The following RAI14 variants were observed in gnomAD, a reference collection of about 807,000 sequenced individuals.
RAI14 encodes the protein retinoic acid induced 14.
Under a neutral mutation model 115.4 loss-of-function variants are expected in RAI14, and 45 were observed. The observed-to-expected ratio is 0.39, with a 90% CI of 0.31 to 0.50. The LOEUF (loss-of-function observed/expected upper bound fraction) is 0.50, where lower values mean the gene tolerates loss of function less well. RAI14 is among the 20% of genes least tolerant of loss of function. The probability of loss-of-function intolerance (pLI) is 0.85; values close to 1 mark genes in which losing one functional copy is unlikely to be tolerated. For synonymous variants in RAI14, 371 were observed against 415.4 expected, an observed-to-expected ratio of 0.89 and a Z score of 1.30; for missense variants, 939 against 1,131.2, an observed-to-expected ratio of 0.83 and a Z score of 2.44.
intron 2 of RAI14, among the ~76,000 whole-genome samples, chr5:34,729,379 C>T (rs973767855): frequency 1.3e-5 from 2 of 152,130 alleles, no homozygotes; most frequent in Non-Finnish European, 2.9e-5. Flanking sequence ...AGGGTGAATA[C>T]ATGGGGCTTC....
intron 3 of RAI14, among the ~76,000 whole-genome samples, chr5:34,769,132 C>T (rs576235851): frequency 6.6e-6 from 1 of 152,136 alleles, no homozygotes; most frequent in East Asian, 1.9e-4. Context: ...GGATAGTAAT[C>T]CTGTTTTTTT....
At chr5:34,668,336 C>T (rs1483310856) in intron 1 of RAI14, among the ~76,000 whole-genome samples, 1 of 150,924 alleles carries the variant, frequency 6.6e-6, no homozygotes, top group East Asian at 2.0e-4. Context: ...GGAGGTTGCA[C>T]TGAGCCGAGA....
chr5:34,670,168 C>T (rs557138632), intron 1 of RAI14, among the ~76,000 whole-genome samples: 6 of 152,292 alleles, frequency 3.9e-5, no homozygotes, highest in Non-Finnish European at 2.9e-5. Context: ...TCTGAGGACT[C>T]GTTCCGTCTT....
chr5:34,701,599 G>T (rs937165381), intron 2 of RAI14, among the ~76,000 whole-genome samples: 10 of 152,194 alleles, frequency 6.6e-5, no homozygotes, highest in African/African-American at 2.2e-4. Flanking sequence ...CTGGAAGGCT[G>T]CTCCCCCGCC....
intron 2 of RAI14, chr5:34,687,861 G>A: frequency 2.6e-6 from 3 of 1,166,986 alleles, no homozygotes; most frequent in South Asian, 2.9e-5. Flanking sequence ...AATGGAGGCT[G>A]TGTCTTTTAT....
intron 1 of RAI14, chr5:34,685,656 A>G (rs1561236163): frequency 6.6e-6 from 1 of 151,376 alleles, no homozygotes; most frequent in Non-Finnish European, 1.5e-5. Flanking sequence ...CATCATGAAT[A>G]GGCTTTGTGA....
At position 34,811,835 on chromosome 5, in the gene RAI14, C is replaced by T; in HGVS notation, c.626C>T (p.Ala209Val). 1 of 1,612,918 alleles carries T rather than the reference C, an allele frequency of 6.2e-7. No homozygotes were observed. Residue 209 changes from alanine to valine, a missense_variant, in exon 9 of 18, where the codon GCA (alanine) becomes GTA (valine). By Grantham distance (64) the Ala-to-Val change is moderately conservative (BLOSUM62 0). Coordinates refer to ENST00000265109, the MANE Select transcript of RAI14 (RefSeq NM_015577.3). ...NAVEALIKKG[A>V]DLNLVDSLGY... Reference sequence around the variant, plus strand: ...GTGGAAGCCTTAATTAAAAAGGGTGCAGACCTAAACCTTGTAGATTCTCTT... The same window carrying T: ...GTGGAAGCCTTAATTAAAAAGGGTGTAGACCTAAACCTTGTAGATTCTCTT...
At chr5:34,664,149 C>T (rs1268227008) in intron 1 of RAI14, among the ~76,000 whole-genome samples, 20 of 151,992 alleles carry the variant, frequency 1.3e-4, no homozygotes, top group Admixed American at 1.3e-3. Context: ...GAAGGAAATA[C>T]ATGGGCTCTT....
At chr5:34,811,161 C>A in intron 8 of RAI14, 43 bp downstream of exon 8, 1 of 1,580,932 alleles carries the variant, frequency 6.3e-7, no homozygotes, top group Non-Finnish European at 8.7e-7. Flanking sequence ...TCAGTGATAC[C>A]CACATTCTGA....
At chr5:34,696,758 C>A (rs1235644711) in intron 2 of RAI14, among the ~76,000 whole-genome samples, 1 of 152,208 alleles carries the variant, frequency 6.6e-6, no homozygotes, top group East Asian at 1.9e-4. Context: ...GCTGCTTTCC[C>A]AGGACCCATT....
rs114614356 is a variant in RAI14, at chr5:34,728,390, A to G, written c.37-29078A>G. ...TGGGAGGGGCCAGGGGCAGATTGCT[A>G]TGGTTTGGCTTTGTGCCCTAACCAA... On this transcript the variant is annotated intron_variant, in intron 2 of 17. Coordinates refer to ENST00000265109, the MANE Select transcript of RAI14 (RefSeq NM_015577.3). 3.4e-3 allele frequency among the ~76,000 whole-genome samples: 514 copies of G among 152,248 alleles called. 3 individuals are homozygous for G. Among genetic ancestry groups the G allele is most frequent in the African/African-American group, 0.012 (496 of 41,546 alleles).
chr5:34,824,056 C>T lies in RAI14; in HGVS notation c.2214C>T (p.Thr738=). The stretch of plus-strand genomic sequence containing the variant: ...TCACAGAACATTTGCAAGTGATAAC[C>T]ACGCTGCGGACTGCAGCAAAAGAGA... The part of the protein sequence containing the change: ...VSITEHLQVI[T]TLRTAAKEME... The change falls in exon 15 of 18, where the codon ACC becomes ACT. Residue 738 remains threonine, a synonymous_variant. Transcript: ENST00000265109. The T allele has an allele frequency of 6.2e-7, 1 of 1,614,054 alleles. No homozygotes were observed.
chr5:34,681,713 G>A lies in RAI14; in HGVS notation c.-48-5159G>A, dbSNP rs147726795. Among the ~76,000 whole-genome samples the A allele has an allele frequency of 3.8e-3, 576 of 151,826 alleles. 1 individual carries two copies. Among genetic ancestry groups the A allele is most frequent in the African/African-American group, 0.013 (523 of 41,382 alleles). Reference sequence around the variant, plus strand: ...TGGGTCTCGCTCTGGTGCCCAGGCTGGTCTTGAATGCTTGGTCTCAAGCAG... The same window carrying A: ...TGGGTCTCGCTCTGGTGCCCAGGCTAGTCTTGAATGCTTGGTCTCAAGCAG... On this transcript the variant is annotated intron_variant, in intron 1 of 17. Transcript: ENST00000265109.
chr5:34,689,803 C>T (rs1000079767), intron 2 of RAI14, among the ~76,000 whole-genome samples: 1 of 152,076 alleles, frequency 6.6e-6, no homozygotes, highest in Non-Finnish European at 1.5e-5. Context: ...ACCCAGAAGG[C>T]GGAGGTTGTG....
intron 1 of RAI14, among the ~76,000 whole-genome samples, chr5:34,683,732 CT>C (rs1336465132): frequency 1.3e-3 from 190 of 143,902 alleles, no homozygotes; most frequent in Middle Eastern, 3.6e-3. Flanking sequence ...CGATTCCCAC[CT>C]TTTTTTTTTT....
chr5:34,759,208 A>G (rs1748289327), intron 3 of RAI14, among the ~76,000 whole-genome samples: 1 of 152,012 alleles, frequency 6.6e-6, no homozygotes, highest in Non-Finnish European at 1.5e-5. Context: ...GGTTGCAGTG[A>G]GCTGAGACTG....
chr5:34,762,756 C>A (rs911637584), intron 3 of RAI14, among the ~76,000 whole-genome samples: 3 of 152,150 alleles, frequency 2.0e-5, no homozygotes, highest in Admixed American at 6.5e-5. Context: ...AACCTCTTAC[C>A]GTAGAAGAGT....
chr5:34,704,596 A>G (rs899066513), intron 2 of RAI14, among the ~76,000 whole-genome samples: 4 of 152,254 alleles, frequency 2.6e-5, no homozygotes, highest in African/African-American at 7.2e-5. Flanking sequence ...ATTAAATAAG[A>G]TAGAAATGCA....
At chr5:34,708,445 G>A (rs1237622618) in intron 2 of RAI14, among the ~76,000 whole-genome samples, 1 of 151,972 alleles carries the variant, frequency 6.6e-6, no homozygotes, top group African/African-American at 2.4e-5. Flanking sequence ...CAGGTGATCC[G>A]CCCGCCCCAG....
Sources: gnomAD v4.1 joint callset for allele counts (sites outside exome capture counted in the v4.1 genomes callset) on GRCh38, gnomAD v4.1.1 for gene constraint, MANE v1.5 for transcripts, NCBI Gene and HGNC (gene_info 2026-07-23, HGNC 2026-07-21) for gene names.